The following BCL11A variants were observed in gnomAD, a reference collection of about 807,000 sequenced individuals.
BCL11A encodes the protein B cell CLL/lymphoma 11A.
Under a neutral mutation model 55.9 loss-of-function variants are expected in BCL11A, and 2 were observed. The ratio of observed to expected loss-of-function variants is 0.04; its 90% CI spans 0.01 to 0.11. The LOEUF is 0.11. Among genes scored for constraint, BCL11A ranks in the 10% least tolerant of loss-of-function variants. The probability of loss-of-function intolerance (pLI) is 1.00; values close to 1 mark genes in which losing one functional copy is unlikely to be tolerated. For synonymous variants in BCL11A, 465 were observed against 473.4 expected (o/e 0.98, Z 0.23); for missense variants, 817 against 1,137.1 (o/e 0.72, Z 4.05).
chr2:60,451,641 T>C (rs1268150470), exon 5 of BCL11A: 1 of 230,864 alleles, frequency 4.3e-6, no homozygotes, highest in Non-Finnish European at 8.6e-6. Flanking sequence ...CATTAAGATA[T>C]ATTTCCTGAA....
chr2:60,496,443 T>C (rs568524764), intron 2 of BCL11A: 1 of 152,354 alleles, frequency 6.6e-6, no homozygotes, highest in Non-Finnish European at 1.5e-5. Context: ...TGACAATAAG[T>C]CTGCCATTGT....
At chr2:60,480,266 G>A (rs1037259460) in intron 2 of BCL11A, among the ~76,000 whole-genome samples, 2 of 152,198 alleles carry the variant, frequency 1.3e-5, no homozygotes, top group African/African-American at 4.8e-5. Flanking sequence ...CATTTCTCCT[G>A]GATCCAAGTC....
At chr2:60,528,615 G>A (rs1053819626) in intron 2 of BCL11A, 3 of 152,362 alleles carry the variant, frequency 2.0e-5, no homozygotes, top group Non-Finnish European at 4.4e-5. Flanking sequence ...CACCGCTGAA[G>A]AAAGCTGCAA....
intron 2 of BCL11A, among the ~76,000 whole-genome samples, chr2:60,491,314 A>G (rs1678615301): frequency 6.6e-6 from 1 of 152,260 alleles, no homozygotes; most frequent in Admixed American, 6.5e-5. Context: ...AGAGGGCAGC[A>G]AACATGGACA....
Position 60,459,998 on chromosome 2 carries a change from G to A in BCL11A, c.*406C>T, listed in dbSNP as rs1676143930. Reference sequence around the variant, plus strand: ...AACAGCAACATGTTTGCTCAGCAACGAATTAGGGACAATTTAAAATAGCCA... The same window carrying A: ...AACAGCAACATGTTTGCTCAGCAACAAATTAGGGACAATTTAAAATAGCCA... On this transcript the variant is annotated 3_prime_UTR_variant, in exon 4 of 4. Coordinates refer to ENST00000642384, the MANE Select transcript of BCL11A (RefSeq NM_022893.4). 3.7e-6 allele frequency: 4 copies of A among 1,068,128 alleles called. No individual in the cohort carries two copies. Among genetic ancestry groups the A allele is most frequent in the South Asian group, 9.0e-5 (2 of 22,112 alleles). 66.2% of individuals were successfully genotyped at this position (1,068,128 alleles called of 1,614,324 possible). A position where few individuals can be genotyped will look rare whatever the true frequency, so the allele number is the denominator to read the frequency against.
chr2:60,474,722 TCTCTCATGCATTCATTCAAC>T (rs1200140268), intron 2 of BCL11A, among the ~76,000 whole-genome samples: 9 of 152,216 alleles, frequency 5.9e-5, no homozygotes, highest in South Asian at 2.1e-4. Context: ...ATTCATTCAT[TCTCTCATGCATTCATTCAAC>T]CTCTCATGCA....
At position 60,459,976 on chromosome 2, in the gene BCL11A, A is replaced by G; in HGVS notation, c.*428T>C. 2 of 1,067,428 alleles carry G rather than the reference A, an allele frequency of 1.9e-6. No individual in the cohort carries two copies. Among genetic ancestry groups the G allele is most frequent in the Non-Finnish European group, 2.3e-6 (2 of 880,812 alleles). 66.1% of individuals were successfully genotyped at this position (1,067,428 alleles called of 1,614,324 possible). A position where few individuals can be genotyped will look rare whatever the true frequency, so the allele number is the denominator to read the frequency against. ...TTTCTCTCAGAACGGAACTGGAAACAGCAACATGTTTGCTCAGCAACGAAT... is the reference window on the plus strand; with the variant it reads ...TTTCTCTCAGAACGGAACTGGAAACGGCAACATGTTTGCTCAGCAACGAAT... On this transcript the variant is annotated 3_prime_UTR_variant, in exon 4 of 4. Coordinates refer to ENST00000642384, the MANE Select transcript of BCL11A (RefSeq NM_022893.4).
chr2:60,541,960 G>T, intron 2 of BCL11A: 3 of 684,606 alleles, frequency 4.4e-6, no homozygotes, highest in Non-Finnish European at 8.0e-6. Context: ...AAAAAGAAAA[G>T]GTAAGTTCAT....
intron 3 of BCL11A, among the ~76,000 whole-genome samples, chr2:60,468,066 T>C (rs1335016305): frequency 1.4e-5 from 2 of 143,392 alleles, no homozygotes; most frequent in African/African-American, 5.2e-5. Context: ...GTGATGGTGG[T>C]GGTGGTAGTG....
chr2:60,546,356 G>A lies in BCL11A; in HGVS notation c.56-56C>T. On this transcript the variant is annotated intron_variant, in intron 1 of 3. Coordinates refer to ENST00000642384, the MANE Select transcript of BCL11A (RefSeq NM_022893.4). The surrounding 1 kb of genome is among the most constrained non-coding windows in gnomAD (Gnocchi z 4.1). ...TAGAGTGCCAGAGAGGACAGAAAGGGGAGAAGCACATCTCAACCCCATGCC... is the reference window on the plus strand; with the variant it reads ...TAGAGTGCCAGAGAGGACAGAAAGGAGAGAAGCACATCTCAACCCCATGCC... The A allele has an allele frequency of 6.7e-7, 1 of 1,486,462 alleles. No homozygotes were observed. The highest frequency in any genetic ancestry group is 1.8e-5 in the Admixed American group (1 of 55,344). 92.1% of individuals were successfully genotyped at this position (1,486,462 alleles called of 1,614,324 possible).
chr2:60,538,227 TTATC>T (rs1669759049), intron 2 of BCL11A: 1 of 152,240 alleles, frequency 6.6e-6, no homozygotes. Context: ...ACTTGGTATT[TTATC>T]TATCTAAAGA....
chr2:60,537,495 A>G (rs944965502), intron 2 of BCL11A: 2 of 152,246 alleles, frequency 1.3e-5, no homozygotes, highest in African/African-American at 4.8e-5. Context: ...AGAATACTTC[A>G]GGTTTGGTTC....
chr2:60,501,253 C>T (rs1173024663), intron 2 of BCL11A, among the ~76,000 whole-genome samples: 2 of 152,210 alleles, frequency 1.3e-5, no homozygotes, highest in African/African-American at 4.8e-5. Context: ...TGTAGTGCTA[C>T]TTGCCAGAAC....
intron 2 of BCL11A, chr2:60,484,154 G>A (rs1467761094): frequency 6.6e-6 from 1 of 152,202 alleles, no homozygotes; most frequent in Non-Finnish European, 1.5e-5. Flanking sequence ...TGCCCTTCTA[G>A]GAGCTGGCAG....
At position 60,461,202 on chromosome 2, in the gene BCL11A, A is replaced by T. The variant is rs772034765; in HGVS notation, c.1710T>A (p.His570Gln). 3.2e-5 allele frequency: 51 copies of T among 1,612,124 alleles called. No homozygotes were observed. In the South Asian group the frequency reaches 5.5e-4, roughly 17 times the overall value. ...CGGCCTCGGCCAGGTGGCCGCGCTT[A>T]TGCTTCTCGCCCAGGACCTGGTGGA... ...EAFHQVLGEK[H>Q]KRGHLAEAEG... Residue 570 changes from histidine to glutamine, a missense_variant, in exon 4 of 4, where the codon CAT becomes CAA. Physicochemically the swap from His to Gln is conservative, Grantham distance 24. This residue lies in a region of BCL11A where 379 missense variants were observed against 425.3 expected (regional missense o/e 0.89). Transcript: ENST00000642384.
At chr2:60,466,269 C>T (rs1164881537) in intron 3 of BCL11A, among the ~76,000 whole-genome samples, 1 of 152,006 alleles carries the variant, frequency 6.6e-6, no homozygotes, top group African/African-American at 2.4e-5. Context: ...TGGCAACAGC[C>T]CTTGGCCTCT....
chr2:60,533,437 C>T (rs1350255848), intron 2 of BCL11A: 7 of 152,186 alleles, frequency 4.6e-5, no homozygotes. Context: ...CCTTCCTATC[C>T]ACAGCCAACG....
At chr2:60,506,449 C>T (rs1038478093) in intron 2 of BCL11A, among the ~76,000 whole-genome samples, 1 of 152,256 alleles carries the variant, frequency 6.6e-6, no homozygotes, top group African/African-American at 2.4e-5. Flanking sequence ...CATGGGTCAA[C>T]CCGAGCGCAC....
chr2:60,513,127 T>C (rs2104497710), intron 2 of BCL11A, among the ~76,000 whole-genome samples: 1 of 152,198 alleles, frequency 6.6e-6, no homozygotes, highest in South Asian at 2.1e-4. Context: ...CTGAAATCCA[T>C]GGATAGTCTA....
Sources: gnomAD v4.1 joint callset for allele counts (sites outside exome capture counted in the v4.1 genomes callset) on GRCh38, gnomAD v4.1.1 for gene constraint, gnomAD v4.1.1 regional missense constraint, Gnocchi (gnomAD v3.1) non-coding constraint, MANE v1.5 for transcripts, NCBI Gene and HGNC (gene_info 2026-07-23, HGNC 2026-07-21) for gene names.